The following MYBPC1 variants were observed in gnomAD, a reference collection of about 807,000 sequenced individuals.
MYBPC1 encodes myosin binding protein C1.
In MYBPC1, 52 loss-of-function variants were observed where a neutral mutation model predicts 147.1. The observed-to-expected ratio is 0.35, with a 90% CI of 0.28 to 0.45. The LOEUF (loss-of-function observed/expected upper bound fraction) is 0.45. MYBPC1 is among the 20% of genes least tolerant of loss of function. MYBPC1 has a pLI of 1.00. For synonymous variants in MYBPC1, 477 were observed against 475.9 expected (o/e 1.00, Z -0.03); for missense variants, 1,228 against 1,440.3 (o/e 0.85, Z 2.39).
chr12:101,622,163 A>G (rs1462648205), intron 3 of MYBPC1, among the ~76,000 whole-genome samples: 1 of 152,224 alleles, frequency 6.6e-6, no homozygotes, highest in African/African-American at 2.4e-5. Context: ...TATGACTTAC[A>G]TATATTTTTT....
intron 28 of MYBPC1, among the ~76,000 whole-genome samples, chr12:101,679,278 G>A (rs1258378305): frequency 6.6e-6 from 1 of 152,208 alleles, no homozygotes; most frequent in Non-Finnish European, 1.5e-5. Context: ...CAGATGGAGA[G>A]GTTCACCCGG....
intron 8 of MYBPC1, 48 bp downstream of exon 8, chr12:101,632,186 TGA>T (rs1565926460): frequency 7.9e-7 from 1 of 1,269,076 alleles, no homozygotes; most frequent in Admixed American, 1.7e-5. Flanking sequence ...TAATGGGGTG[TGA>T]GGGGATGGAG....
At position 101,677,353 on chromosome 12, in the gene MYBPC1, A is replaced by T. The variant is rs1900230695; in HGVS notation, c.3068A>T (p.Asp1023Val). ...FSENMCGLSE[D>V]ATMTKESAVI... The stretch of plus-strand genomic sequence containing the variant: ...GAAAACATGTGTGGCCTCAGTGAGG[A>T]TGCCACCATGACTAAAGAGAGTGCA... The change falls in exon 27 of 32, where the codon GAT becomes GTT. Residue 1023 changes from aspartate (D) to valine (V), a missense_variant. By Grantham distance (152) the Asp-to-Val change is radical. This residue lies in a region of MYBPC1 where 1,077 missense variants were observed against 1,314.2 expected (regional missense o/e 0.82). Transcript: ENST00000361466. 1 of 1,614,080 alleles carries T rather than the reference A, an allele frequency of 6.2e-7. No individual in the cohort carries two copies. Among genetic ancestry groups the T allele is most frequent in the Non-Finnish European group, 8.5e-7 (1 of 1,179,982 alleles).
chr12:101,652,699 C>G lies in MYBPC1; in HGVS notation c.1548C>G (p.Ala516=). 1.9e-6 allele frequency: 3 copies of G among 1,612,516 alleles called. No homozygotes were observed. Among genetic ancestry groups the G allele is most frequent in the Non-Finnish European group, 2.5e-6 (3 of 1,178,596 alleles). ...TTAGGATCCACAAGTTAGTGATAGC[C>G]AATGCCCTCACTGAAGATGAAGGTG... The part of the protein sequence containing the change: ...HKGRIHKLVI[A]NALTEDEGDY... Residue 516 remains alanine, a synonymous_variant, in exon 17 of 32, where the codon GCC becomes GCG. Coordinates refer to ENST00000361466, the MANE Select transcript of MYBPC1 (RefSeq NM_002465.4).
At chr12:101,643,933 A>T (rs1209214315) in intron 11 of MYBPC1, among the ~76,000 whole-genome samples, 1 of 152,238 alleles carries the variant, frequency 6.6e-6, no homozygotes, top group East Asian at 1.9e-4. Context: ...TTTATCTTAT[A>T]AATTCTGTGG....
chr12:101,606,001 C>G (rs1397624788), intron 1 of MYBPC1, among the ~76,000 whole-genome samples: 8 of 152,042 alleles, frequency 5.3e-5, no homozygotes, highest in Admixed American at 3.3e-4. Context: ...TCGAGACCAG[C>G]CTGAGAAACA....
chr12:101,614,442 GTTC>G lies in MYBPC1; in HGVS notation c.26-49_26-47del, dbSNP rs1302838702. 60 of 1,607,368 alleles carry G rather than the reference GTTC, an allele frequency of 3.7e-5. No individual in the cohort carries two copies. The East Asian group carries it at 4.7e-4, about 13-fold the overall frequency. On this transcript the variant is annotated intron_variant, in intron 1 of 31. Coordinates refer to ENST00000361466, the MANE Select transcript of MYBPC1 (RefSeq NM_002465.4). ...AAGCTGCCTGGGGCTGTAGAAAGCAGTTCTTCTCTGTGATAAATGAGCCTGACA... is the reference window on the plus strand; with the variant it reads ...AAGCTGCCTGGGGCTGTAGAAAGCAGTTCTCTGTGATAAATGAGCCTGACA...
At chr12:101,629,343 T>C in intron 5 of MYBPC1, 91 bp from the exon 6 acceptor site, 1 of 859,634 alleles carries the variant, frequency 1.2e-6, no homozygotes, top group Non-Finnish European at 2.0e-6. Context: ...AAAGAAAAGC[T>C]ACAGCGTTGG....
In MYBPC1 at chr12:101,662,639, A is replaced by G. The variant is rs1015327075; in HGVS notation, c.2221+93A>G. The G allele has an allele frequency of 3.5e-6, 5 of 1,413,360 alleles. No homozygotes were observed. The African/African-American group carries it at 7.1e-5, about 20-fold the overall frequency. 87.6% of individuals were successfully genotyped at this position (1,413,360 alleles called of 1,614,324 possible). ...ATCCCTAACTGGAACAGGCCTGGAC[A>G]CTTCTTAGAGTTGTAGGTGGGCAGG... On this transcript the variant is annotated intron_variant, in intron 21 of 31. Coordinates refer to ENST00000361466, the MANE Select transcript of MYBPC1 (RefSeq NM_002465.4).
intron 14 of MYBPC1, 130 bp downstream of exon 14, chr12:101,648,280 G>A: frequency 1.5e-6 from 1 of 650,092 alleles, no homozygotes; most frequent in Non-Finnish European, 2.7e-6. Context: ...TGTGTTAGTA[G>A]AGATGATAAA....
intron 3 of MYBPC1, among the ~76,000 whole-genome samples, chr12:101,623,156 T>G (rs1353753935): frequency 6.6e-6 from 1 of 152,154 alleles, no homozygotes; most frequent in Non-Finnish European, 1.5e-5. Flanking sequence ...CTGGCCAATA[T>G]GGTGAAACCC....
At chr12:101,695,712 G>A in the MYBPC1 span, among the ~76,000 whole-genome samples, 1 of 152,166 alleles carries the variant, frequency 6.6e-6, no homozygotes, top group African/African-American at 2.4e-5. Flanking sequence ...ACAAGTCAGA[G>A]AGGATATTGG....
rs111907780 is a variant in MYBPC1, at chr12:101,644,797, G to A, written c.965+1G>A. 6.2e-7 allele frequency: 1 copy of A among 1,613,686 alleles called. No homozygotes were observed. Among genetic ancestry groups the A allele is most frequent in the Non-Finnish European group, 8.5e-7 (1 of 1,179,708 alleles). On this transcript the variant is annotated splice_donor_variant, in intron 12 of 31. Transcript: ENST00000361466. LOFTEE classifies it high-confidence loss of function. ...GTCAAGAAATTCGACCCAGTACCAAGTAAGTGGGCTTTGCAAAAATCAGTG... is the reference window on the plus strand; with the variant it reads ...GTCAAGAAATTCGACCCAGTACCAAATAAGTGGGCTTTGCAAAAATCAGTG...
intron 2 of MYBPC1, among the ~76,000 whole-genome samples, chr12:101,615,670 C>CCA (rs1885769024): frequency 1.4e-5 from 1 of 72,954 alleles, no homozygotes; most frequent in African/African-American, 6.0e-5. Flanking sequence ...CCGCCCCCCC[C>CCA]CCGCCCCCCC....
At chr12:101,646,732 ACT>A in intron 12 of MYBPC1, 29 bp from the exon 13 acceptor site, 5 of 1,610,348 alleles carry the variant, frequency 3.1e-6, no homozygotes, top group Non-Finnish European at 4.2e-6. Context: ...ACATTCACAG[ACT>A]CTGTTTATTT....
chr12:101,627,642 T>C, intron 4 of MYBPC1, 127 bp from the exon 5 acceptor site: 2 of 1,004,452 alleles, frequency 2.0e-6, no homozygotes, highest in East Asian at 2.4e-5. Context: ...AGCCAACTTG[T>C]AGGGTTTTTT....
rs2004897 is a variant in MYBPC1, at chr12:101,629,594, C to T, written c.289+50C>T. On this transcript the variant is annotated intron_variant, in intron 6 of 31. Transcript: ENST00000361466. ...CCTTTTTTAAAAAATTAAGGTGAGC[C>T]GAGCACGGTGCCTCACGCCTGTAAT... 5.2e-4 allele frequency: 700 copies of T among 1,334,062 alleles called. 2 individuals carry two copies. In the African/African-American group the frequency reaches 9.3e-3, roughly 18 times the overall value. The allele number at this position is 1,334,062 out of a possible 1,614,324, so 82.6% of individuals were successfully genotyped here. A position where few individuals can be genotyped will look rare whatever the true frequency, so the allele number is the denominator to read the frequency against.
chr12:101,642,669 T>G, intron 11 of MYBPC1, 84 bp downstream of exon 11: 7 of 1,462,948 alleles, frequency 4.8e-6, no homozygotes, highest in South Asian at 1.2e-5. Context: ...CCCGAGCTCC[T>G]TCCAGTCTCC....
In MYBPC1 at chr12:101,667,798, C is replaced by A. The variant is rs768025284; in HGVS notation, c.2423C>A (p.Pro808Gln). ...DKTKFTITGL[P>Q]TDAKIFVRVK... Reference sequence around the variant, plus strand: ...ACGAAGTTCACCATCACAGGTCTGCCAACAGATGCAAAGATCTTTGTGCGT... The same window carrying A: ...ACGAAGTTCACCATCACAGGTCTGCAAACAGATGCAAAGATCTTTGTGCGT... The change falls in exon 23 of 32, where the codon CCA becomes CAA. Residue 808 changes from proline to glutamine, a missense_variant. By Grantham distance (76) the Pro-to-Gln change is moderately conservative. Transcript: ENST00000361466. 1.2e-6 allele frequency: 2 copies of A among 1,614,116 alleles called. No individual in the cohort carries two copies. The highest frequency in any genetic ancestry group is 1.7e-6 in the Non-Finnish European group (2 of 1,180,000).
Sources: gnomAD v4.1 joint callset for allele counts (sites outside exome capture counted in the v4.1 genomes callset) on GRCh38, gnomAD v4.1.1 for gene constraint, gnomAD v4.1.1 regional missense constraint, MANE v1.5 for transcripts, NCBI Gene and HGNC (gene_info 2026-07-23, HGNC 2026-07-21) for gene names.